Variants in CTNNA3 observed in about 807,000 individuals in gnomAD.
The protein encoded by CTNNA3 is catenin alpha-3.
In CTNNA3, 76 loss-of-function variants were observed where a neutral mutation model predicts 95.7. That is an observed-to-expected ratio of 0.79 (90% CI 0.66 to 0.96). The LOEUF (loss-of-function observed/expected upper bound fraction) is 0.96. Among genes scored for constraint, CTNNA3 ranks in the 40% least tolerant of loss-of-function variants. The pLI, the probability that CTNNA3 is intolerant of heterozygous loss-of-function variation, is 0.00. For synonymous variants in CTNNA3, 431 were observed against 374.4 expected (o/e 1.15, Z -1.74); for missense variants, 1,191 against 1,089.8 (o/e 1.09, Z -1.31).
intron 5 of CTNNA3, among the ~76,000 whole-genome samples, chr10:67,381,888 A>G (rs1200201039): frequency 6.6e-6 from 1 of 152,060 alleles, no homozygotes; most frequent in Non-Finnish European, 1.5e-5. Flanking sequence ...TTTCCAGTCC[A>G]GTGTGATCAA....
intron 6 of CTNNA3, among the ~76,000 whole-genome samples, chr10:67,197,558 C>T (rs372515343): frequency 3.9e-5 from 6 of 151,980 alleles, no homozygotes; most frequent in African/African-American, 1.2e-4. Context: ...AAAATGACTG[C>T]TGGGTGGTGA....
At chr10:66,953,905 T>C (rs915908883) in intron 7 of CTNNA3, among the ~76,000 whole-genome samples, 3 of 152,162 alleles carry the variant, frequency 2.0e-5, no homozygotes, top group African/African-American at 7.2e-5. Context: ...TGAACCTTCA[T>C]TTCCTCTGCT....
intron 7 of CTNNA3, among the ~76,000 whole-genome samples, chr10:66,980,299 C>A (rs1271195760): frequency 6.6e-6 from 1 of 152,106 alleles, no homozygotes; most frequent in Non-Finnish European, 1.5e-5. Flanking sequence ...CACAAGTCAA[C>A]AAAGATAATT....
intron 5 of CTNNA3, among the ~76,000 whole-genome samples, chr10:67,347,857 C>G (rs1444213073): frequency 2.4e-5 from 3 of 123,740 alleles, no homozygotes; most frequent in Admixed American, 2.4e-4. Context: ...AACACAAAAA[C>G]CAAATACAAT....
In CTNNA3 at chr10:67,302,021, AAGAAAGAAAGAAAG is replaced by A. The variant is rs1840326268; in HGVS notation, c.580-82165_580-82152del. 1.1e-4 allele frequency among the ~76,000 whole-genome samples: 3 copies of A among 26,342 alleles called. No individual in the cohort carries two copies. In the Admixed American group the frequency reaches 1.4e-3, roughly 13 times the overall value. The allele number at this position is 26,342 out of a possible 152,430, so 17.3% of individuals were successfully genotyped here. ...AAAGAACGAAAGAAAGAAAGAAAGAAAGAAAGAAAGAAAGAAAGAAAGAAAGAAAGAAAGAAAGA... is the reference window on the plus strand; with the variant it reads ...AAAGAACGAAAGAAAGAAAGAAAGAAAAAGAAAGAAAGAAAGAAAGAAAGA... On this transcript the variant is annotated intron_variant, in intron 5 of 17. Coordinates refer to ENST00000433211, the MANE Select transcript of CTNNA3 (RefSeq NM_013266.4).
intron 3 of CTNNA3, among the ~76,000 whole-genome samples, chr10:67,601,187 A>G (rs934135320): frequency 6.6e-6 from 1 of 152,348 alleles, no homozygotes. Flanking sequence ...TTAAAACATT[A>G]AAAATAACCA....
At chr10:66,971,027 T>C (rs1849692642) in intron 7 of CTNNA3, among the ~76,000 whole-genome samples, 1 of 152,186 alleles carries the variant, frequency 6.6e-6, no homozygotes, top group Non-Finnish European at 1.5e-5. Flanking sequence ...CTATGAGTAT[T>C]TGCATTATTT....
At chr10:66,015,701 C>A (rs367771926) in intron 15 of CTNNA3, among the ~76,000 whole-genome samples, 2 of 152,090 alleles carry the variant, frequency 1.3e-5, no homozygotes, top group Non-Finnish European at 2.9e-5. Flanking sequence ...AGTTTGCCAA[C>A]TTTTTCATTA....
intron 9 of CTNNA3, among the ~76,000 whole-genome samples, chr10:66,759,415 T>C (rs1487181431): frequency 1.3e-5 from 2 of 152,316 alleles, no homozygotes; most frequent in East Asian, 3.9e-4. Flanking sequence ...TATTTCATAC[T>C]TTACTCAATA....
At chr10:66,151,407 A>G (rs2084193185) in intron 13 of CTNNA3, among the ~76,000 whole-genome samples, 1 of 152,002 alleles carries the variant, frequency 6.6e-6, no homozygotes. Flanking sequence ...AAATATTAGG[A>G]GTTATAATGA....
At chr10:66,205,539 C>T (rs76406907) in intron 13 of CTNNA3, among the ~76,000 whole-genome samples, 14,857 of 151,922 alleles carry the variant, frequency 0.098, 952 homozygotes, top group Non-Finnish European at 0.14. Flanking sequence ...TTTCTAGAAT[C>T]TAACTTGTGT....
At chr10:67,624,076 C>A (rs111673145) in intron 2 of CTNNA3, among the ~76,000 whole-genome samples, 20,111 of 152,046 alleles carry the variant, frequency 0.13, 2,384 homozygotes, top group African/African-American at 0.32. Context: ...CCTGCCTCAG[C>A]CTCCCAAAGT....
chr10:66,859,569 G>C (rs1430311310), intron 7 of CTNNA3, among the ~76,000 whole-genome samples: 2 of 150,852 alleles, frequency 1.3e-5, no homozygotes, highest in Non-Finnish European at 3.0e-5. Context: ...CTGTTGGTGG[G>C]ACTGTAAACT....
chr10:65,986,326 C>CA lies in CTNNA3; in HGVS notation c.2265+2365dup, dbSNP rs60393769. Among the ~76,000 whole-genome samples, 29 of 143,340 alleles carry CA rather than the reference C, an allele frequency of 2.0e-4. 1 individual carries two copies. The South Asian group carries it at 3.0e-3, about 15-fold the overall frequency. 94.0% of individuals were successfully genotyped at this position (143,340 alleles called of 152,430 possible). ...AAAAAGAAAAACCTAAAGGCTCTAC[C>CA]AAAAAAAAAAAACTCTTAGATTTGA... On this transcript the variant is annotated intron_variant, in intron 16 of 17. Transcript: ENST00000433211.
chr10:67,448,484 C>G (rs1846839072), intron 5 of CTNNA3, among the ~76,000 whole-genome samples: 1 of 151,862 alleles, frequency 6.6e-6, no homozygotes, highest in African/African-American at 2.4e-5. Context: ...ATTAATAAAA[C>G]AGGATAGCTA....
At chr10:67,454,740 G>A (rs753521271) in intron 5 of CTNNA3, among the ~76,000 whole-genome samples, 12 of 151,982 alleles carry the variant, frequency 7.9e-5, no homozygotes, top group African/African-American at 2.9e-4. Flanking sequence ...ATAAGAAAAT[G>A]AGCCAAACAA....
intron 5 of CTNNA3, among the ~76,000 whole-genome samples, chr10:67,331,901 C>T (rs1222011957): frequency 6.6e-6 from 1 of 152,104 alleles, no homozygotes; most frequent in Non-Finnish European, 1.5e-5. Flanking sequence ...AGGCAATAGG[C>T]TACTTTCTCC....
chr10:66,864,075 T>C (rs912554767), intron 7 of CTNNA3, among the ~76,000 whole-genome samples: 2 of 152,174 alleles, frequency 1.3e-5, no homozygotes, highest in African/African-American at 4.8e-5. Flanking sequence ...TTAATGTGTA[T>C]GATTTTCTAT....
chr10:66,668,484 T>C (rs1410400078), intron 9 of CTNNA3, among the ~76,000 whole-genome samples: 2 of 151,060 alleles, frequency 1.3e-5, no homozygotes, highest in Non-Finnish European at 3.0e-5. Flanking sequence ...TATACATACA[T>C]ACACATATAT....
Sources: gnomAD v4.1 joint callset for allele counts (sites outside exome capture counted in the v4.1 genomes callset) on GRCh38, gnomAD v4.1.1 for gene constraint, MANE v1.5 for transcripts, NCBI Gene and HGNC (gene_info 2026-07-23, HGNC 2026-07-21) for gene names.